The following THOC1 variants were observed in gnomAD, a reference collection of about 807,000 sequenced individuals.
The protein encoded by THOC1 is THO complex subunit 1.
Under a neutral mutation model 97.3 loss-of-function variants are expected in THOC1, and 29 were observed. That is an observed-to-expected ratio of 0.30 (90% confidence interval 0.22 to 0.41). THOC1 has a LOEUF of 0.41. THOC1 is among the 10% of genes least tolerant of loss of function. The pLI, the probability that THOC1 is intolerant of heterozygous loss-of-function variation, is 1.00. For synonymous variants in THOC1, 255 were observed against 257.0 expected, an observed-to-expected ratio of 0.99 and a Z score of 0.07; for missense variants, 529 against 761.9, an observed-to-expected ratio of 0.69 and a Z score of 3.60.
rs984122591 is a variant in THOC1 at position 254,081 on chromosome 18, T to A, written c.603+192A>T. Reference sequence around the variant, plus strand: ...GTGCACCACCATGCCCTGCTAATTTTTGTACTTTTTTGTAGGAATGAGGAT... The same window carrying A: ...GTGCACCACCATGCCCTGCTAATTTATGTACTTTTTTGTAGGAATGAGGAT... On this transcript the variant is annotated intron_variant, in intron 8 of 20. Coordinates refer to ENST00000261600, the MANE Select transcript of THOC1 (RefSeq NM_005131.3). The surrounding 1 kb of genome is among the most constrained non-coding windows in gnomAD (Gnocchi z 4.1). 2.0e-5 allele frequency among the ~76,000 whole-genome samples: 3 copies of A among 151,766 alleles called. No homozygotes were observed. The highest frequency in any genetic ancestry group is 3.9e-4 in the East Asian group (2 of 5,170).
chr18:259,053 G>A (rs1912522547), intron 7 of THOC1, 127 bp downstream of exon 7: 2 of 674,322 alleles, frequency 3.0e-6, no homozygotes, highest in East Asian at 5.6e-5. Context: ...AGAAAATAAA[G>A]TGACAATTTC....
At chr18:251,012 A>G (rs1912260540) in intron 9 of THOC1, among the ~76,000 whole-genome samples, 1 of 152,134 alleles carries the variant, frequency 6.6e-6, no homozygotes, top group African/African-American at 2.4e-5. Context: ...AAAAAATAAT[A>G]ACGATAACAA....
chr18:253,902 A>ATTTT (rs35294329), intron 8 of THOC1, among the ~76,000 whole-genome samples: 1 of 133,962 alleles, frequency 7.5e-6, no homozygotes, highest in Non-Finnish European at 1.6e-5. Context: ...TTTACATGAA[A>ATTTT]TTTTTTTTTT....
chr18:246,907 G>C (rs1358888812), intron 10 of THOC1, among the ~76,000 whole-genome samples: 1 of 131,000 alleles, frequency 7.6e-6, no homozygotes, highest in Non-Finnish European at 1.6e-5. Context: ...AACCTGGGAG[G>C]CTCCGTCTCA....
At chr18:238,159 C>T (rs892209554) in intron 11 of THOC1, among the ~76,000 whole-genome samples, 1 of 152,126 alleles carries the variant, frequency 6.6e-6, no homozygotes, top group Non-Finnish European at 1.5e-5. Flanking sequence ...AGCCACTGCA[C>T]CCAGCTCTAC....
At chr18:230,106 G>GT (rs1911433757) in intron 11 of THOC1, among the ~76,000 whole-genome samples, 1 of 152,208 alleles carries the variant, frequency 6.6e-6, no homozygotes, top group African/African-American at 2.4e-5. Context: ...CATGAACAAA[G>GT]TAAAACATCA....
Position 237,301 on chromosome 18 carries a change from TGC to T in THOC1, c.918+9021_918+9022del, listed in dbSNP as rs559030068. 4.6e-3 allele frequency among the ~76,000 whole-genome samples: 692 copies of T among 151,850 alleles called. 6 individuals carry two copies. Among genetic ancestry groups the T allele is most frequent in the Non-Finnish European group, 7.6e-3 (517 of 67,946 alleles). On this transcript the variant is annotated intron_variant, in intron 11 of 20. Transcript: ENST00000261600. The stretch of plus-strand genomic sequence containing the variant: ...CCTCCTGAGCAGCTGGGACTACAGG[TGC>T]GCACTACCACACCCAGCTAAATTTT...
intron 13 of THOC1, 85 bp downstream of exon 13, chr18:225,252 C>T: frequency 6.4e-7 from 1 of 1,554,638 alleles, no homozygotes; most frequent in Non-Finnish European, 8.8e-7. Flanking sequence ...TTAACTTTAT[C>T]CTTATTTTCC....
intron 17 of THOC1, among the ~76,000 whole-genome samples, chr18:222,577 GAAA>G (rs1911129716): frequency 6.6e-6 from 1 of 152,144 alleles, no homozygotes; most frequent in African/African-American, 2.4e-5. Context: ...TAATGATTAA[GAAA>G]TCACCCAGAA....
chr18:244,443 C>T (rs1426317761), intron 11 of THOC1: 1 of 151,994 alleles, frequency 6.6e-6, no homozygotes, highest in African/African-American at 2.4e-5. Flanking sequence ...TTTCTTTCAT[C>T]GACAGTCTTG....
intron 11 of THOC1, among the ~76,000 whole-genome samples, chr18:237,230 G>A (rs28726224): frequency 6.7e-6 from 1 of 150,224 alleles, no homozygotes; most frequent in African/African-American, 2.5e-5. Context: ...CACAATCGTG[G>A]CTTACTACAA....
Position 254,730 on chromosome 18 carries a change from G to T in THOC1, c.521-375C>A, listed in dbSNP as rs1427560800. On this transcript the variant is annotated intron_variant, in intron 7 of 20. Coordinates refer to ENST00000261600, the MANE Select transcript of THOC1 (RefSeq NM_005131.3). This position sits in a 1 kb window ranked among gnomAD's most constrained non-coding sequence, Gnocchi z 4.1. ...TCTGTTATGATGATCTGTGATCAGT[G>T]ATCTTTGAGGTTAACATTGTCATTG... is the stretch of plus-strand genomic sequence containing the variant. Among the ~76,000 whole-genome samples the T allele has an allele frequency of 6.6e-6, 1 of 151,992 alleles. No individual in the cohort carries two copies. Among genetic ancestry groups the T allele is most frequent in the Non-Finnish European group, 1.5e-5 (1 of 68,008 alleles).
At chr18:231,237 C>T (rs1911475020) in intron 11 of THOC1, among the ~76,000 whole-genome samples, 1 of 152,202 alleles carries the variant, frequency 6.6e-6, no homozygotes, top group Non-Finnish European at 1.5e-5. Flanking sequence ...GCATACATCA[C>T]TGGACTAGGC....
chr18:220,780 A>G (rs947039592), intron 17 of THOC1, among the ~76,000 whole-genome samples: 3 of 151,088 alleles, frequency 2.0e-5, no homozygotes, highest in Non-Finnish European at 3.0e-5. Flanking sequence ...AATTTTATCT[A>G]TTTTTCCTGG....
At chr18:256,933 G>T (rs1409872860) in intron 7 of THOC1, among the ~76,000 whole-genome samples, 1 of 152,192 alleles carries the variant, frequency 6.6e-6, no homozygotes, top group Non-Finnish European at 1.5e-5. Flanking sequence ...TCAGTCAGCA[G>T]CCATCAACAT....
chr18:251,128 T>C (rs1028266793), intron 9 of THOC1, among the ~76,000 whole-genome samples: 4 of 152,234 alleles, frequency 2.6e-5, no homozygotes, highest in Non-Finnish European at 4.4e-5. Flanking sequence ...CATCGTCTTA[T>C]TTAATCCTCT....
chr18:263,910 G>C (rs577491556), intron 4 of THOC1, 116 bp downstream of exon 4: 2 of 763,704 alleles, frequency 2.6e-6, no homozygotes, highest in South Asian at 4.0e-5. Context: ...GAGTCAGGCA[G>C]AACTTGAAGA....
intron 11 of THOC1, among the ~76,000 whole-genome samples, chr18:229,357 A>G (rs185704665): frequency 1.5e-3 from 221 of 152,258 alleles, no homozygotes; most frequent in South Asian, 3.9e-3. Context: ...ACCTGCTATC[A>G]TCTGACCGCC....
chr18:215,745 C>G, intron 19 of THOC1: 1 of 443,848 alleles, frequency 2.3e-6, no homozygotes, highest in Non-Finnish European at 4.0e-6. Flanking sequence ...ATCTGGGAAG[C>G]AGGAAGTCAG....
Sources: gnomAD v4.1 joint callset for allele counts (sites outside exome capture counted in the v4.1 genomes callset) on GRCh38, gnomAD v4.1.1 for gene constraint, Gnocchi (gnomAD v3.1) non-coding constraint, MANE v1.5 for transcripts, NCBI Gene and HGNC (gene_info 2026-07-23, HGNC 2026-07-21) for gene names.